Variants in PCDH11X observed in about 807,000 individuals in gnomAD.
The protein encoded by PCDH11X is protocadherin-11 X-linked.
PCDH11X carries 18 observed loss-of-function variants against 53.3 expected under a neutral mutation model. That is an observed-to-expected ratio of 0.34 (90% CI 0.23 to 0.50). The LOEUF is 0.50. PCDH11X is among the 20% of genes least tolerant of loss of function. The pLI, the probability that PCDH11X is intolerant of heterozygous loss-of-function variation, is 0.98. For synonymous variants in PCDH11X, 279 were observed against 393.3 expected (o/e 0.71, Z 3.44); for missense variants, 570 against 1,032.4 (o/e 0.55, Z 6.14).
At chrX:92,127,560 G>A (rs1032388338) in intron 6 of PCDH11X, among the ~76,000 whole-genome samples, 2 of 79,546 alleles carry the variant, frequency 2.5e-5, no homozygotes, top group Non-Finnish European at 4.5e-5. Context: ...TCGCCCTGCC[G>A]CCCTGGCTGG....
chrX:91,795,272 T>G (rs985341638), intron 1 of PCDH11X, among the ~76,000 whole-genome samples: 5 of 111,822 alleles, frequency 4.5e-5, no homozygotes, highest in African/African-American at 1.6e-4. Context: ...TCCAGAAGGT[T>G]CCATTCCCTT....
chrX:92,139,371 G>C (rs1377553521), intron 6 of PCDH11X, among the ~76,000 whole-genome samples: 1 of 103,753 alleles, frequency 9.6e-6, no homozygotes, highest in African/African-American at 3.5e-5. Flanking sequence ...CGCCTCCCAG[G>C]TTCAAGCGAT....
intron 10 of PCDH11X, among the ~76,000 whole-genome samples, chrX:92,565,696 A>T (rs1176001300): frequency 9.3e-6 from 1 of 107,888 alleles, no homozygotes; most frequent in East Asian, 2.9e-4. Context: ...AAAAACAATT[A>T]GAAAAAACGA....
At chrX:92,353,579 CAG>C (rs1237108409) in intron 8 of PCDH11X, among the ~76,000 whole-genome samples, 1 of 110,645 alleles carries the variant, frequency 9.0e-6, no homozygotes, top group African/African-American at 3.3e-5. Context: ...AGGAATGACT[CAG>C]AGTAGGTTCG....
chrX:92,278,424 T>C (rs1309451378), intron 8 of PCDH11X, among the ~76,000 whole-genome samples: 3 of 111,799 alleles, frequency 2.7e-5, no homozygotes, highest in Non-Finnish European at 5.6e-5. Context: ...TGGCTGTTTA[T>C]TTCACGTGGG....
chrX:92,233,447 T>C (rs1046189926), intron 7 of PCDH11X, among the ~76,000 whole-genome samples: 1 of 111,871 alleles, frequency 8.9e-6, no homozygotes, highest in Admixed American at 9.5e-5. Context: ...AGTCCTTTGC[T>C]TAACTATAAA....
intron 8 of PCDH11X, among the ~76,000 whole-genome samples, chrX:92,311,279 G>A (rs879005058): frequency 9.1e-6 from 1 of 109,890 alleles, no homozygotes; most frequent in African/African-American, 3.3e-5. Flanking sequence ...TTTTGACATA[G>A]AGTCAGCCTT....
rs200423092 is a variant in PCDH11X, at chrX:92,175,779, T to TAC, written c.3034-25595_3034-25594insCA. On this transcript the variant is annotated intron_variant, in intron 6 of 10. Coordinates refer to ENST00000682573, the MANE Select transcript of PCDH11X (RefSeq NM_032968.5). ...ATATGTGTGTGTGTGTGTGTGTGTA[T>TAC]ATATATACACACACACACACACACA... 8.7e-4 allele frequency among the ~76,000 whole-genome samples: 64 copies of TAC among 73,399 alleles called. 1 individual carries two copies. The highest frequency in any genetic ancestry group is 3.7e-3 in the Admixed American group (24 of 6,523). The allele number at this position is 73,399 out of a possible 115,157, so 63.7% of individuals were successfully genotyped here.
intron 9 of PCDH11X, among the ~76,000 whole-genome samples, chrX:92,406,951 GA>G (rs1350664034): frequency 3.3e-4 from 28 of 84,788 alleles, no homozygotes; most frequent in Admixed American, 2.9e-3. Context: ...AAAAAAAAAG[GA>G]AAAATTGAAC....
intron 8 of PCDH11X, among the ~76,000 whole-genome samples, chrX:92,279,805 A>G (rs776853260): frequency 4.5e-5 from 5 of 112,076 alleles, no homozygotes; most frequent in Non-Finnish European, 9.4e-5. Context: ...TGACATTTCA[A>G]CTTAATTAAC....
Position 92,387,742 on chromosome X carries a change from G to A in PCDH11X, c.3152G>A (p.Arg1051Gln), listed in dbSNP as rs928766620. 9 of 1,210,121 alleles carry A rather than the reference G, an allele frequency of 7.4e-6. No homozygotes were observed. The highest frequency in any genetic ancestry group is 2.2e-5 in the Admixed American group (1 of 45,750). Residue 1051 changes from arginine to glutamine, a missense_variant, in exon 9 of 11, where the codon CGG (arginine) becomes CAG (glutamine). Coordinates refer to ENST00000682573, the MANE Select transcript of PCDH11X (RefSeq NM_032968.5). The part of the protein sequence containing the change: ...SEGKVAGKSQ[R>Q]RVTFHLPEGS... Reference sequence around the variant, plus strand: ...TTTCATTCTCCCTTTCAGTCCCAGCGGCGTGTCACATTTCACCTGCCAGAA... The same window carrying A: ...TTTCATTCTCCCTTTCAGTCCCAGCAGCGTGTCACATTTCACCTGCCAGAA...
intron 9 of PCDH11X, among the ~76,000 whole-genome samples, chrX:92,396,591 C>T (rs2071251973): frequency 9.5e-6 from 1 of 104,753 alleles, no homozygotes; most frequent in Non-Finnish European, 1.9e-5. Context: ...TGCCTGTAAT[C>T]CCATCACTTT....
At chrX:92,138,795 CTTTTATCAGTTTCATAATGTA>C (rs1288008674) in intron 6 of PCDH11X, among the ~76,000 whole-genome samples, 1 of 110,442 alleles carries the variant, frequency 9.1e-6, no homozygotes, top group Non-Finnish European at 1.9e-5. Flanking sequence ...GAATTAGTGT[CTTTTATCAGTTTCATAATGTA>C]TTGAACAGTA....
chrX:91,943,334 G>A (rs1209466831), intron 6 of PCDH11X, among the ~76,000 whole-genome samples: 1 of 110,066 alleles, frequency 9.1e-6, no homozygotes, highest in Non-Finnish European at 1.9e-5. Flanking sequence ...CTATTAACAC[G>A]TGAGAAACGA....
intron 10 of PCDH11X, among the ~76,000 whole-genome samples, chrX:92,473,570 G>A (rs1330021530): frequency 2.7e-5 from 3 of 110,968 alleles, no homozygotes; most frequent in African/African-American, 9.8e-5. Context: ...TCATTTTTTA[G>A]TGTAGGCACT....
At chrX:92,518,857 T>G (rs35773857) in intron 10 of PCDH11X, among the ~76,000 whole-genome samples, 3 of 102,039 alleles carry the variant, frequency 2.9e-5, no homozygotes, top group Non-Finnish European at 5.9e-5. Context: ...CCCAGGTTCA[T>G]GCCATTCTCC....
chrX:92,099,773 G>A (rs1298603211), intron 6 of PCDH11X, among the ~76,000 whole-genome samples: 1 of 111,282 alleles, frequency 9.0e-6, no homozygotes, highest in Non-Finnish European at 1.9e-5. Context: ...CTGTCATTCA[G>A]TGAAATTCTG....
In PCDH11X at chrX:92,392,323, G is replaced by A. The variant is rs185177882; in HGVS notation, c.3343+4390G>A. Among the ~76,000 whole-genome samples the A allele has an allele frequency of 3.1e-3, 342 of 111,192 alleles. 1 individual carries two copies. Among genetic ancestry groups the A allele is most frequent in the African/African-American group, 0.011 (326 of 30,892 alleles). On this transcript the variant is annotated intron_variant, in intron 9 of 10. Coordinates refer to ENST00000682573, the MANE Select transcript of PCDH11X (RefSeq NM_032968.5). The stretch of plus-strand genomic sequence containing the variant: ...GTTTTTATTAAAATGATGTCTGCTA[G>A]AGTTTATCTCAGGTTAGCAAATCTG...
chrX:91,883,736 C>T (rs1156764486), intron 6 of PCDH11X: 1 of 571,237 alleles, frequency 1.8e-6, no homozygotes, highest in Non-Finnish European at 2.1e-6. Flanking sequence ...ACCCGGGAGG[C>T]GGAGCTTGCA....
Sources: allele counts gnomAD v4.1 joint callset (sites outside exome capture counted in the v4.1 genomes callset), GRCh38; gene constraint gnomAD v4.1.1; transcripts MANE v1.5; gene names NCBI Gene and HGNC (gene_info 2026-07-23, HGNC 2026-07-21).